Variants in AP3S1 observed in about 807,000 individuals in gnomAD.
The protein encoded by AP3S1 is adaptor related protein complex 3 subunit sigma 1.
A neutral mutation model predicts 21.3 loss-of-function variants in AP3S1; 12 were observed. The observed-to-expected ratio is 0.56, with a 90% CI of 0.36 to 0.91. The LOEUF is 0.91. Ranked by LOEUF, AP3S1 falls within the 40% of genes least tolerant of loss-of-function variation. AP3S1 has a pLI of 0.01. For synonymous variants in AP3S1, 48 were observed against 78.4 expected (o/e 0.61, Z 2.05); for missense variants, 116 against 225.0 (o/e 0.52, Z 3.10).
intron 3 of AP3S1, among the ~76,000 whole-genome samples, chr5:115,892,526 C>G (rs1750397290): frequency 6.6e-6 from 1 of 152,104 alleles, no homozygotes; most frequent in African/African-American, 2.4e-5. Flanking sequence ...AACTGGAGAT[C>G]TTTATGTTAA....
intron 1 of AP3S1, among the ~76,000 whole-genome samples, chr5:115,855,654 C>T (rs7707232): frequency 0.025 from 3,794 of 152,170 alleles, 188 homozygotes; most frequent in African/African-American, 0.086. Flanking sequence ...ATGAGGAATT[C>T]GGTTTCTTTT....
chr5:115,900,725 C>T (rs534476354), intron 4 of AP3S1, among the ~76,000 whole-genome samples: 3 of 152,262 alleles, frequency 2.0e-5, no homozygotes, highest in Admixed American at 1.3e-4. Flanking sequence ...TTAGAAATGA[C>T]GATTTGGGCA....
chr5:115,901,390 TTC>T (rs1485220850), intron 4 of AP3S1, among the ~76,000 whole-genome samples: 6 of 136,346 alleles, frequency 4.4e-5, no homozygotes, highest in Non-Finnish European at 9.3e-5. Context: ...TTTGCCTATA[TTC>T]TTTTTTTTTT....
Position 115,875,544 on chromosome 5 carries a change from A to G in AP3S1, c.273+5416A>G, listed in dbSNP as rs1034592341. 8.5e-5 allele frequency among the ~76,000 whole-genome samples: 13 copies of G among 152,304 alleles called. No homozygotes were observed. The South Asian group carries it at 1.9e-3, about 22-fold the overall frequency. On this transcript the variant is annotated intron_variant, in intron 3 of 5. Coordinates refer to ENST00000316788, the MANE Select transcript of AP3S1 (RefSeq NM_001284.4). ...AATTGCCTAGGAAAACCGACTGTCC[A>G]GCACTTGGAAATTGTGGGAATTTGC...
chr5:115,851,710 A>G (rs1205858849), intron 1 of AP3S1, among the ~76,000 whole-genome samples: 1 of 152,008 alleles, frequency 6.6e-6, no homozygotes, highest in African/African-American at 2.4e-5. Flanking sequence ...TATATTCTAG[A>G]TATCAGTCTC....
chr5:115,896,129 A>G (rs1007092832), intron 4 of AP3S1, among the ~76,000 whole-genome samples: 3 of 152,222 alleles, frequency 2.0e-5, no homozygotes, highest in African/African-American at 7.2e-5. Context: ...TTATTGAGGC[A>G]TAATTTACAG....
intron 1 of AP3S1, among the ~76,000 whole-genome samples, chr5:115,851,983 GAGATTA>G (rs10567329): frequency 0.046 from 7,057 of 152,064 alleles, 325 homozygotes; most frequent in African/African-American, 0.11. Context: ...GTTTTTTGAT[GAGATTA>G]AATAAGAGAA....
At chr5:115,886,405 C>G (rs1749786132) in intron 3 of AP3S1, among the ~76,000 whole-genome samples, 1 of 152,130 alleles carries the variant, frequency 6.6e-6, no homozygotes. Context: ...AACCCCTCAT[C>G]TTCCTTAGTC....
At chr5:115,904,040 T>A (rs991226473) in intron 5 of AP3S1, 1 of 151,672 alleles carries the variant, frequency 6.6e-6, no homozygotes, top group Non-Finnish European at 1.5e-5. Flanking sequence ...CGAGATCACA[T>A]CACTGCACTC....
intron 3 of AP3S1, among the ~76,000 whole-genome samples, chr5:115,890,874 A>T (rs1168120650): frequency 9.9e-5 from 15 of 152,156 alleles, no homozygotes; most frequent in Admixed American, 9.8e-4. Flanking sequence ...GTCTAGGAAA[A>T]GACCTTTCCC....
rs533428210 is a variant in AP3S1, at chr5:115,876,901, C to A, written c.273+6773C>A. The stretch of plus-strand genomic sequence containing the variant: ...TATATGATGTCCATTTGTTCCACTA[C>A]TTGTGATATTTGTGATGATCACTTG... On this transcript the variant is annotated intron_variant, in intron 3 of 5. Transcript: ENST00000316788. Among the ~76,000 whole-genome samples the A allele has an allele frequency of 2.0e-5, 3 of 152,296 alleles. No homozygotes were observed. The East Asian group carries it at 5.8e-4, about 29-fold the overall frequency.
intron 1 of AP3S1, among the ~76,000 whole-genome samples, chr5:115,864,961 T>C (rs188251005): frequency 4.6e-5 from 7 of 152,300 alleles, no homozygotes; most frequent in Admixed American, 2.6e-4. Flanking sequence ...AATATGATGC[T>C]AAAGCTAAAG....
chr5:115,852,610 A>C (rs1762516856), intron 1 of AP3S1, among the ~76,000 whole-genome samples: 2 of 152,092 alleles, frequency 1.3e-5, no homozygotes, highest in African/African-American at 4.8e-5. Flanking sequence ...AACTATTAGC[A>C]GTCACTTTTC....
intron 3 of AP3S1, among the ~76,000 whole-genome samples, chr5:115,879,376 A>G (rs997469894): frequency 5.9e-5 from 9 of 152,302 alleles, no homozygotes; most frequent in African/African-American, 1.7e-4. Flanking sequence ...TGTTCCATCT[A>G]TACGTAGTTT....
chr5:115,876,375 T>G (rs1748713301), intron 3 of AP3S1, among the ~76,000 whole-genome samples: 1 of 152,182 alleles, frequency 6.6e-6, no homozygotes, highest in Non-Finnish European at 1.5e-5. Context: ...TTTTCTTCCC[T>G]TCAATGTAGG....
intron 5 of AP3S1, among the ~76,000 whole-genome samples, chr5:115,905,397 C>T (rs1272399557): frequency 6.6e-6 from 1 of 152,064 alleles, no homozygotes; most frequent in Non-Finnish European, 1.5e-5. Flanking sequence ...TTATTCATTC[C>T]CTGATCATCT....
intron 5 of AP3S1, 52 bp downstream of exon 5, chr5:115,903,044 T>C: frequency 1.6e-6 from 2 of 1,287,366 alleles, no homozygotes; most frequent in Non-Finnish European, 2.2e-6. Context: ...GATGACAGAT[T>C]ACGCATGATT....
intron 1 of AP3S1, among the ~76,000 whole-genome samples, chr5:115,864,257 A>G (rs1209231875): frequency 5.9e-5 from 9 of 152,202 alleles, no homozygotes; most frequent in Admixed American, 5.9e-4. Context: ...GAGTCCATAG[A>G]TACTTTGTTC....
chr5:115,884,353 C>T (rs1436126568), intron 3 of AP3S1, among the ~76,000 whole-genome samples: 1 of 152,108 alleles, frequency 6.6e-6, no homozygotes, highest in Non-Finnish European at 1.5e-5. Flanking sequence ...ATCACGAGGT[C>T]AGAAGTTTGA....
Sources: gnomAD v4.1 joint callset for allele counts (sites outside exome capture counted in the v4.1 genomes callset) on GRCh38, gnomAD v4.1.1 for gene constraint, MANE v1.5 for transcripts, NCBI Gene and HGNC (gene_info 2026-07-23, HGNC 2026-07-21) for gene names.